UNC80: variants seen among roughly 807,000 people sequenced by gnomAD.
UNC80 encodes the protein unc-80 subunit of NALCN channel complex.
Under a neutral mutation model 384.6 loss-of-function variants are expected in UNC80, and 164 were observed. The ratio of observed to expected loss-of-function variants is 0.43; its 90% CI spans 0.38 to 0.49. The LOEUF (loss-of-function observed/expected upper bound fraction) is 0.49. UNC80 is among the 20% of genes least tolerant of loss of function. The probability of loss-of-function intolerance (pLI) is 0.00; values close to 1 mark genes in which losing one functional copy is unlikely to be tolerated. For missense variants in UNC80, 3,330 were observed against 4,143.0 expected (o/e 0.80, Z 5.39); for synonymous variants, 1,486 against 1,527.8 (o/e 0.97, Z 0.64).
intron 43 of UNC80, 98 bp downstream of exon 43, chr2:209,939,750 TACATGTGCTCAACGTGC>T: frequency 8.6e-7 from 1 of 1,156,310 alleles, no homozygotes; most frequent in Non-Finnish European, 1.2e-6. Context: ...AGTTTTAGGG[TACATGTGCTCAACGTGC>T]AGGTTTGTTA....
intron 44 of UNC80, among the ~76,000 whole-genome samples, chr2:209,943,121 A>G (rs2091733197): frequency 6.6e-6 from 1 of 152,186 alleles, no homozygotes; most frequent in Admixed American, 6.5e-5. Context: ...ATGCATGTTT[A>G]TACATGTGTC....
At chr2:209,954,401 G>T in intron 48 of UNC80, 131 bp downstream of exon 48, 1 of 828,596 alleles carries the variant, frequency 1.2e-6, no homozygotes. Context: ...CCTAAACTCA[G>T]CCCTTTATGC....
chr2:209,777,334 G>A lies in UNC80; in HGVS notation c.375G>A (p.Gln125=), dbSNP rs771908187. ...TLHWMLLEAP[Q]DCNNERFGGT... ...ACTGGATGCTTCTGGAGGCCCCCCAGGACTGCAACAATGAGCGGTTTGGGG... is the reference window on the plus strand; with the variant it reads ...ACTGGATGCTTCTGGAGGCCCCCCAAGACTGCAACAATGAGCGGTTTGGGG... The change falls in exon 4 of 65, where the codon CAG becomes CAA. Residue 125 remains glutamine (Q), a synonymous_variant. Transcript: ENST00000673920. 2.5e-6 allele frequency: 4 copies of A among 1,614,164 alleles called. No homozygotes were observed. The highest frequency in any genetic ancestry group is 1.1e-5 in the South Asian group (1 of 91,072).
chr2:209,906,159 T>G (rs1450949024), intron 29 of UNC80, among the ~76,000 whole-genome samples: 1 of 152,082 alleles, frequency 6.6e-6, no homozygotes, highest in Non-Finnish European at 1.5e-5. Flanking sequence ...AATATGTACA[T>G]CAAACAATGA....
At chr2:209,920,658 C>G (rs771129487) in intron 33 of UNC80, among the ~76,000 whole-genome samples, 1 of 152,066 alleles carries the variant, frequency 6.6e-6, no homozygotes, top group Non-Finnish European at 1.5e-5. Flanking sequence ...TTTTTCATTC[C>G]ATAACTTTGT....
chr2:209,992,329 A>G, intron 62 of UNC80, 82 bp downstream of exon 62: 1 of 1,335,664 alleles, frequency 7.5e-7, no homozygotes, highest in Non-Finnish European at 1.0e-6. Flanking sequence ...GTATATTAAG[A>G]TATTTTGCTG....
intron 7 of UNC80, among the ~76,000 whole-genome samples, chr2:209,807,445 A>G (rs2078973868): frequency 6.7e-6 from 1 of 148,814 alleles, no homozygotes; most frequent in African/African-American, 2.5e-5. Context: ...GCTCACTGCA[A>G]GCTCTGCCTC....
intron 22 of UNC80, among the ~76,000 whole-genome samples, chr2:209,857,273 G>A (rs910489174): frequency 3.3e-5 from 5 of 152,064 alleles, no homozygotes; most frequent in South Asian, 2.1e-4. Flanking sequence ...TTGAGTCCAC[G>A]GATATATTTA....
At chr2:209,960,090 A>G (rs956381808) in intron 51 of UNC80, among the ~76,000 whole-genome samples, 10 of 152,194 alleles carry the variant, frequency 6.6e-5, no homozygotes, top group East Asian at 3.9e-4. Flanking sequence ...GTTATTTTAC[A>G]TGAGGAATGC....
intron 32 of UNC80, 53 bp from the exon 33 acceptor site, chr2:209,918,479 C>T: frequency 6.6e-7 from 1 of 1,524,550 alleles, no homozygotes; most frequent in Non-Finnish European, 8.9e-7. Context: ...ATACTTCAGC[C>T]TCATTCTAGC....
rs1290496215 is a variant in UNC80, at chr2:209,819,243, T to C, written c.1944T>C (p.Asn648=). ...IDGTNNFVHK[N]GMLDLSVVLK... ...GGACCAATAACTTTGTCCACAAGAA[T>C]GGAATGCTTGATCTTTCTGTAAGAA... Residue 648 remains asparagine (N), a synonymous_variant, in exon 12 of 65, where the codon AAT becomes AAC. Transcript: ENST00000673920. 12 of 1,549,644 alleles carry C rather than the reference T, an allele frequency of 7.7e-6. No homozygotes were observed. Among genetic ancestry groups the C allele is most frequent in the South Asian group, 1.2e-5 (1 of 83,670 alleles).
chr2:209,872,859 C>T lies in UNC80; in HGVS notation c.3729C>T (p.His1243=), dbSNP rs528950364. 5.2e-6 allele frequency: 8 copies of T among 1,551,278 alleles called. No individual in the cohort carries two copies. The highest frequency in any genetic ancestry group is 2.4e-5 in the East Asian group (1 of 40,918). Residue 1243 remains histidine (H), a synonymous_variant, in exon 23 of 65, where the codon CAC becomes CAT. Coordinates refer to ENST00000673920, the MANE Select transcript of UNC80 (RefSeq NM_001371986.1). The surrounding 1 kb of genome is among the most constrained non-coding windows in gnomAD (Gnocchi z 4.1). The stretch of plus-strand genomic sequence containing the variant: ...GGCCAGAGTGGATGAAAGGGCACCA[C>T]GTGAACATCACCAAGAAAGGACTTT... ...GNWPEWMKGH[H]VNITKKGLSR... is the part of the protein sequence containing the mutation.
intron 25 of UNC80, among the ~76,000 whole-genome samples, chr2:209,882,479 ACTGT>A (rs375448161): frequency 5.9e-5 from 9 of 152,320 alleles, no homozygotes; most frequent in African/African-American, 1.9e-4. Flanking sequence ...TTATGAGTAA[ACTGT>A]CTGCTCTCAA....
chr2:209,827,356 C>T (rs1162702214), intron 14 of UNC80, among the ~76,000 whole-genome samples: 2 of 151,986 alleles, frequency 1.3e-5, no homozygotes, highest in African/African-American at 2.4e-5. Flanking sequence ...TAATAAAAAG[C>T]GTCATGCTTT....
At position 209,904,946 on chromosome 2, in the gene UNC80, G is replaced by A. The variant is rs182597438; in HGVS notation, c.4763G>A (p.Arg1588Gln). The A allele has an allele frequency of 7.3e-5, 114 of 1,551,626 alleles. No individual in the cohort carries two copies. In the Admixed American group the frequency reaches 1.8e-3, roughly 24 times the overall value. ...AGCAACATCAGCAGTGTGGCTCTCCGGGGCAAGAAACAGAAAGAAGTAAGT... is the reference window on the plus strand; with the variant it reads ...AGCAACATCAGCAGTGTGGCTCTCCAGGGCAAGAAACAGAAAGAAGTAAGT... ...ESSNISSVALRGKKQKECSDK... is the reference protein window; with the variant it reads ...ESSNISSVALQGKKQKECSDK... The change falls in exon 29 of 65, where the codon CGG becomes CAG. Residue 1588 changes from arginine (R) to glutamine (Q), a missense_variant. This residue lies in a region of UNC80 where 801 missense variants were observed against 950.8 expected (regional missense o/e 0.84). Transcript: ENST00000673920.
rs1050891759 is a variant in UNC80 at position 209,954,030 on chromosome 2, T to C, written c.7287-70T>C. 6.8e-6 allele frequency: 10 copies of C among 1,474,262 alleles called. No homozygotes were observed. In the Admixed American group the frequency reaches 2.3e-4, roughly 34 times the overall value. 91.3% of individuals were successfully genotyped at this position (1,474,262 alleles called of 1,614,324 possible). ...CTAGATGCTTTTCATTGTTCTATGCTCTTAAGTGTGACACAACCAACAAAA... is the reference window on the plus strand; with the variant it reads ...CTAGATGCTTTTCATTGTTCTATGCCCTTAAGTGTGACACAACCAACAAAA... On this transcript the variant is annotated intron_variant, in intron 47 of 64. Transcript: ENST00000673920.
chr2:209,813,559 C>G (rs1469091454), intron 7 of UNC80, 21 bp from the exon 8 acceptor site: 1 of 1,544,426 alleles, frequency 6.5e-7, no homozygotes, highest in South Asian at 1.2e-5. Flanking sequence ...GTATAATTAT[C>G]TTCTTTCTGC....
At position 209,839,617 on chromosome 2, in the gene UNC80, G is replaced by C. The variant is rs1229086868; in HGVS notation, c.3250+187G>C. Among the ~76,000 whole-genome samples, 1 of 151,982 alleles carries C rather than the reference G, an allele frequency of 6.6e-6. No homozygotes were observed. Among genetic ancestry groups the C allele is most frequent in the African/African-American group, 2.4e-5 (1 of 41,358 alleles). On this transcript the variant is annotated intron_variant, in intron 19 of 64. Coordinates refer to ENST00000673920, the MANE Select transcript of UNC80 (RefSeq NM_001371986.1). This position sits in a 1 kb window ranked among gnomAD's most constrained non-coding sequence, Gnocchi z 4.1. ...CAATACCCTACTATGTGCCTCTTCTGTGTGCAATCACTACACTAGCCATCA... is the reference window on the plus strand; with the variant it reads ...CAATACCCTACTATGTGCCTCTTCTCTGTGCAATCACTACACTAGCCATCA...
At chr2:209,790,079 T>C (rs2077700933) in intron 6 of UNC80, among the ~76,000 whole-genome samples, 1 of 152,088 alleles carries the variant, frequency 6.6e-6, no homozygotes. Context: ...ATCTAAAGTT[T>C]AATGAGGGGT....
Sources: gnomAD v4.1 joint callset for allele counts (sites outside exome capture counted in the v4.1 genomes callset) on GRCh38, gnomAD v4.1.1 for gene constraint, gnomAD v4.1.1 regional missense constraint, Gnocchi (gnomAD v3.1) non-coding constraint, MANE v1.5 for transcripts, NCBI Gene and HGNC (gene_info 2026-07-23, HGNC 2026-07-21) for gene names.